CELF2: variants seen among roughly 807,000 people sequenced by gnomAD.
CELF2 encodes the protein CUG triplet repeat RNA-binding protein 2.
CELF2 carries 8 observed loss-of-function variants against 62.6 expected under a neutral mutation model. The ratio of observed to expected loss-of-function variants is 0.13; its 90% confidence interval spans 0.07 to 0.23. The LOEUF (loss-of-function observed/expected upper bound fraction) is 0.23. CELF2 is among the 10% of genes least tolerant of loss of function. The pLI is 1.00. For synonymous variants in CELF2, 258 were observed against 250.0 expected, an observed-to-expected ratio of 1.03 and a Z score of -0.30; for missense variants, 333 against 671.0, an observed-to-expected ratio of 0.50 and a Z score of 5.56.
intron 2 of CELF2, among the ~76,000 whole-genome samples, chr10:11,192,802 G>C (rs2076558235): frequency 6.6e-6 from 1 of 152,148 alleles, no homozygotes; most frequent in African/African-American, 2.4e-5. Context: ...AGAAATACCA[G>C]TGTCCCAACC....
At chr10:11,226,139 T>C (rs1407043415) in intron 3 of CELF2, among the ~76,000 whole-genome samples, 1 of 152,180 alleles carries the variant, frequency 6.6e-6, no homozygotes, top group Non-Finnish European at 1.5e-5. Flanking sequence ...AAGTAGCTCC[T>C]CTTTATGGGT....
chr10:11,095,142 G>C (rs907995104), intron 1 of CELF2, among the ~76,000 whole-genome samples: 1 of 151,982 alleles, frequency 6.6e-6, no homozygotes, highest in Admixed American at 6.6e-5. Flanking sequence ...GCCTTGATGC[G>C]TGGCCCCCGT....
intron 4 of CELF2, among the ~76,000 whole-genome samples, chr10:11,254,915 C>G (rs1589930484): frequency 6.6e-6 from 1 of 152,180 alleles, no homozygotes; most frequent in Non-Finnish European, 1.5e-5. Context: ...TGTCCCATCT[C>G]TCCCCTTCCT....
chr10:10,591,845 C>G, the CELF2 span, among the ~76,000 whole-genome samples: 1 of 152,180 alleles, frequency 6.6e-6, no homozygotes, highest in East Asian at 1.9e-4. Context: ...CTCCTGCACT[C>G]AGTGTAAGGC....
chr10:10,566,419 A>AATT, the CELF2 span, among the ~76,000 whole-genome samples: 1 of 136,490 alleles, frequency 7.3e-6, no homozygotes, highest in Non-Finnish European at 1.6e-5. Flanking sequence ...TTTTTTTTTA[A>AATT]TTTTTTTTTT....
At chr10:10,647,173 C>T in the CELF2 span, among the ~76,000 whole-genome samples, 74 of 152,260 alleles carry the variant, frequency 4.9e-4, 1 homozygote, top group Middle Eastern at 3.4e-3. Context: ...TCCTGGTTCC[C>T]GTTTCCTTAA....
chr10:10,850,178 T>G (rs1189868204), intron 1 of CELF2, among the ~76,000 whole-genome samples: 4 of 151,868 alleles, frequency 2.6e-5, no homozygotes, highest in Non-Finnish European at 5.9e-5. Flanking sequence ...AATTGGCCAA[T>G]ATAAGTAGCA....
the CELF2 span, among the ~76,000 whole-genome samples, chr10:10,781,223 C>T: frequency 6.6e-6 from 1 of 152,124 alleles, no homozygotes; most frequent in Non-Finnish European, 1.5e-5. Flanking sequence ...GATTATAATG[C>T]CATATTTTTA....
At chr10:11,087,979 A>G (rs2047280935) in intron 1 of CELF2, among the ~76,000 whole-genome samples, 1 of 152,254 alleles carries the variant, frequency 6.6e-6, no homozygotes, top group Non-Finnish European at 1.5e-5. Flanking sequence ...CTTCTGATAC[A>G]TTCTCCACTG....
chr10:10,852,715 G>A (rs1281599277), intron 1 of CELF2, among the ~76,000 whole-genome samples: 1 of 152,152 alleles, frequency 6.6e-6, no homozygotes, highest in East Asian at 1.9e-4. Flanking sequence ...GGGGGAAATG[G>A]GCAAAGCATT....
At chr10:10,550,285 A>G in the CELF2 span, among the ~76,000 whole-genome samples, 1 of 152,210 alleles carries the variant, frequency 6.6e-6, no homozygotes, top group African/African-American at 2.4e-5. Context: ...CTTCATCCTC[A>G]TAATCTTCAC....
intron 1 of CELF2, among the ~76,000 whole-genome samples, chr10:11,161,350 C>G (rs1281874764): frequency 6.6e-6 from 1 of 152,182 alleles, no homozygotes; most frequent in Non-Finnish European, 1.5e-5. Context: ...TTGCAGTTTG[C>G]AGGCAAGGTG....
intron 1 of CELF2, among the ~76,000 whole-genome samples, chr10:11,147,325 G>C (rs1462579161): frequency 6.6e-6 from 1 of 152,334 alleles, no homozygotes; most frequent in South Asian, 2.1e-4. Flanking sequence ...GGTGCCAGCA[G>C]TAGTGGTACT....
chr10:10,555,099 G>A, the CELF2 span, among the ~76,000 whole-genome samples: 1 of 152,044 alleles, frequency 6.6e-6, no homozygotes, highest in African/African-American at 2.4e-5. Context: ...TCAAAAATTT[G>A]CCAAGGGAAA....
intron 2 of CELF2, among the ~76,000 whole-genome samples, chr10:11,173,862 A>C (rs2069914860): frequency 1.3e-5 from 2 of 152,240 alleles, no homozygotes; most frequent in African/African-American, 4.8e-5. Flanking sequence ...AAAAGGGAAA[A>C]AGTGGAAACT....
chr10:11,165,266 C>G lies in CELF2; in HGVS notation c.75-220C>G, dbSNP rs939817505. ...GCTGCCCCGTGCTCCCCCGGCTCTG[C>G]TCGACAGCAGCACGCAGTGAGAGCC... On this transcript the variant is annotated intron_variant, in intron 1 of 12. Transcript: ENST00000633077. The surrounding 1 kb of genome is among the most constrained non-coding windows in gnomAD (Gnocchi z 7.4). 1.4e-6 allele frequency: 2 copies of G among 1,381,012 alleles called. No homozygotes were observed. The highest frequency in any genetic ancestry group is 5.7e-5 in the East Asian group (2 of 35,222). 85.5% of individuals were successfully genotyped at this position (1,381,012 alleles called of 1,614,324 possible). A position where few individuals can be genotyped will look rare whatever the true frequency, so the allele number is the denominator to read the frequency against.
At chr10:11,222,977 G>A (rs1458484588) in intron 3 of CELF2, among the ~76,000 whole-genome samples, 2 of 152,168 alleles carry the variant, frequency 1.3e-5, no homozygotes, top group African/African-American at 4.8e-5. Flanking sequence ...CCAAATAAAT[G>A]GAGGAAGATG....
the CELF2 span, among the ~76,000 whole-genome samples, chr10:10,475,784 A>G: frequency 4.6e-5 from 7 of 152,130 alleles, no homozygotes; most frequent in Non-Finnish European, 8.8e-5. Flanking sequence ...ACTTTTAAAT[A>G]ATGAATGCTT....
intron 1 of CELF2, among the ~76,000 whole-genome samples, chr10:10,873,542 G>A (rs2060894685): frequency 6.6e-6 from 1 of 152,188 alleles, no homozygotes; most frequent in South Asian, 2.1e-4. Flanking sequence ...AGTTCATATT[G>A]TTGATAACAG....
Sources: allele counts gnomAD v4.1 joint callset (sites outside exome capture counted in the v4.1 genomes callset), GRCh38; gene constraint gnomAD v4.1.1; non-coding constraint Gnocchi (gnomAD v3.1); transcripts MANE v1.5; gene names NCBI Gene and HGNC (gene_info 2026-07-23, HGNC 2026-07-21).